The following FAM83B variants were observed in gnomAD, a reference collection of about 807,000 sequenced individuals.
The protein encoded by FAM83B is protein FAM83B.
FAM83B carries 26 observed loss-of-function variants against 38.8 expected under a neutral mutation model. That is an observed-to-expected ratio of 0.67 (90% CI 0.49 to 0.93). The LOEUF (loss-of-function observed/expected upper bound fraction) is 0.93, where lower values mean the gene tolerates loss of function less well. FAM83B is among the 40% of genes least tolerant of loss of function. FAM83B has a pLI of 0.00. For synonymous variants in FAM83B, 419 were observed against 423.1 expected, an observed-to-expected ratio of 0.99 and a Z score of 0.12; for missense variants, 1,237 against 1,197.3, an observed-to-expected ratio of 1.03 and a Z score of -0.49.
intron 2 of FAM83B, among the ~76,000 whole-genome samples, chr6:54,873,690 G>GTTTT (rs34408059): frequency 1.5e-5 from 2 of 137,270 alleles, no homozygotes; most frequent in Non-Finnish European, 1.6e-5. Context: ...AATGGATAAA[G>GTTTT]TTTTTTTTTT....
intron 2 of FAM83B, among the ~76,000 whole-genome samples, chr6:54,892,265 C>CT (rs879260114): frequency 2.9e-4 from 42 of 145,984 alleles, no homozygotes; most frequent in African/African-American, 4.2e-4. Context: ...GCCTCTGAAT[C>CT]TTTTTTTTTT....
chr6:54,924,960 A>G (rs1773255860), intron 2 of FAM83B, among the ~76,000 whole-genome samples: 1 of 152,082 alleles, frequency 6.6e-6, no homozygotes, highest in Admixed American at 6.6e-5. Context: ...CTTCAACTCA[A>G]AGCCCTTTAA....
chr6:54,875,946 A>C (rs1561910719), intron 2 of FAM83B, among the ~76,000 whole-genome samples: 1 of 152,144 alleles, frequency 6.6e-6, no homozygotes, highest in Non-Finnish European at 1.5e-5. Context: ...TTGAAGCAAA[A>C]AATTAAAAAA....
At chr6:54,890,529 A>G (rs1772375967) in intron 2 of FAM83B, among the ~76,000 whole-genome samples, 1 of 152,108 alleles carries the variant, frequency 6.6e-6, no homozygotes, top group African/African-American at 2.4e-5. Context: ...AGATCAAAGA[A>G]ATTAAGAGTC....
chr6:54,900,673 T>A (rs1435080950), intron 2 of FAM83B, among the ~76,000 whole-genome samples: 1 of 152,196 alleles, frequency 6.6e-6, no homozygotes, highest in Non-Finnish European at 1.5e-5. Flanking sequence ...AATATACACA[T>A]ATATGTAACA....
chr6:54,856,820 A>G (rs538581906), intron 1 of FAM83B, among the ~76,000 whole-genome samples: 6 of 152,290 alleles, frequency 3.9e-5, no homozygotes, highest in African/African-American at 1.4e-4. Context: ...GAAATGACTG[A>G]TAAAGAATTG....
In FAM83B at chr6:54,879,015, T is replaced by G. The variant is rs539699558; in HGVS notation, c.444+8325T>G. Among the ~76,000 whole-genome samples the G allele has an allele frequency of 3.9e-5, 6 of 152,276 alleles. No homozygotes were observed. The East Asian group carries it at 1.2e-3, about 29-fold the overall frequency. ...CTTCAACATTTTTTGCCTGAGCAGT[T>G]GGAGTGATGGTATTGTCATTTGAGG... is the stretch of plus-strand genomic sequence containing the variant. On this transcript the variant is annotated intron_variant, in intron 2 of 4. Transcript: ENST00000306858.
chr6:54,894,697 G>T (rs1503146), intron 2 of FAM83B, among the ~76,000 whole-genome samples: 53,925 of 151,962 alleles, frequency 0.35, 10,678 homozygotes, highest in East Asian at 0.83. Flanking sequence ...GTTTTTTTGT[G>T]TAGTTGATGA....
At chr6:54,929,251 G>A (rs1210697447) in intron 4 of FAM83B, among the ~76,000 whole-genome samples, 1 of 152,144 alleles carries the variant, frequency 6.6e-6, no homozygotes, top group African/African-American at 2.4e-5. Flanking sequence ...GGTTAAAAGT[G>A]AATTTCCTTT....
chr6:54,925,269 T>C (rs1773262152), intron 2 of FAM83B, among the ~76,000 whole-genome samples: 2 of 152,120 alleles, frequency 1.3e-5, no homozygotes, highest in Non-Finnish European at 2.9e-5. Flanking sequence ...CTCTTTTTTT[T>C]CCAAAAAACC....
intron 2 of FAM83B, among the ~76,000 whole-genome samples, chr6:54,886,279 C>T (rs1434960963): frequency 6.6e-6 from 1 of 150,944 alleles, no homozygotes; most frequent in Non-Finnish European, 1.5e-5. Context: ...TTTTTAGTAT[C>T]AAGGTTATGC....
At chr6:54,914,164 T>C (rs1177468367) in intron 2 of FAM83B, among the ~76,000 whole-genome samples, 1 of 152,108 alleles carries the variant, frequency 6.6e-6, no homozygotes. Context: ...TTTTCTGTTT[T>C]CTAGGTGTCT....
At chr6:54,922,117 C>T (rs772062482) in intron 2 of FAM83B, among the ~76,000 whole-genome samples, 1 of 151,996 alleles carries the variant, frequency 6.6e-6, no homozygotes, top group African/African-American at 2.4e-5. Context: ...GTCATTTGTT[C>T]TGCATTTAGT....
Position 54,940,770 on chromosome 6 carries a change from C to G in FAM83B, c.1799C>G (p.Pro600Arg). Residue 600 changes from proline to arginine, a missense_variant, in exon 5 of 5, where the codon CCC (proline) becomes CGC (arginine). Coordinates refer to ENST00000306858, the MANE Select transcript of FAM83B (RefSeq NM_001010872.3). ...LTDKPLPESI[P>R]KLPLQSEAPK... is the part of the protein sequence containing the mutation. ...GACAAACCCTTGCCAGAATCAATCCCCAAGCTCCCATTGCAGTCAGAGGCA... is the reference window on the plus strand; with the variant it reads ...GACAAACCCTTGCCAGAATCAATCCGCAAGCTCCCATTGCAGTCAGAGGCA... The G allele has an allele frequency of 6.2e-7, 1 of 1,613,992 alleles. No individual in the cohort carries two copies. The highest frequency in any genetic ancestry group is 8.5e-7 in the Non-Finnish European group (1 of 1,179,994).
intron 2 of FAM83B, among the ~76,000 whole-genome samples, chr6:54,879,974 G>A (rs190135273): frequency 2.6e-4 from 40 of 152,280 alleles, no homozygotes; most frequent in African/African-American, 9.6e-4. Flanking sequence ...TGAATCTTAA[G>A]GAAAGTCCTT....
intron 2 of FAM83B, among the ~76,000 whole-genome samples, chr6:54,903,846 T>G (rs1772716896): frequency 6.6e-6 from 1 of 152,078 alleles, no homozygotes; most frequent in South Asian, 2.1e-4. Flanking sequence ...AGTCTTACAT[T>G]TCATTTTTCA....
intron 4 of FAM83B, among the ~76,000 whole-genome samples, chr6:54,935,457 T>C (rs750678500): frequency 5.9e-4 from 90 of 152,042 alleles, no homozygotes; most frequent in Non-Finnish European, 7.6e-4. Flanking sequence ...AAGAGATATA[T>C]TGAAGAGGGA....
chr6:54,899,118 C>T (rs950279363), intron 2 of FAM83B, among the ~76,000 whole-genome samples: 1 of 151,912 alleles, frequency 6.6e-6, no homozygotes, highest in African/African-American at 2.4e-5. Context: ...TAGTAAATGC[C>T]CAGCATATTT....
chr6:54,891,647 A>C (rs930289350), intron 2 of FAM83B, among the ~76,000 whole-genome samples: 5 of 152,178 alleles, frequency 3.3e-5, no homozygotes, highest in Non-Finnish European at 7.3e-5. Flanking sequence ...TGTCCAAAAT[A>C]GTAGCTAGAA....
Sources: allele counts gnomAD v4.1 joint callset (sites outside exome capture counted in the v4.1 genomes callset), GRCh38; gene constraint gnomAD v4.1.1; transcripts MANE v1.5; gene names NCBI Gene and HGNC (gene_info 2026-07-23, HGNC 2026-07-21).